Variants in SLC41A3 observed in about 807,000 individuals in gnomAD.
The protein encoded by SLC41A3 is solute carrier family 41 member 3.
In SLC41A3, 44 loss-of-function variants were observed where a neutral mutation model predicts 45.4. The observed-to-expected ratio is 0.97, with a 90% CI of 0.76 to 1.25. SLC41A3 has a LOEUF of 1.25. Ranked by LOEUF, SLC41A3 falls within the 50% of genes most tolerant of loss-of-function variation. SLC41A3 has a pLI of 0.00. For missense variants in SLC41A3, 550 were observed against 600.6 expected, an observed-to-expected ratio of 0.92 and a Z score of 0.88; for synonymous variants, 256 against 252.4, an observed-to-expected ratio of 1.01 and a Z score of -0.13.
At chr3:126,075,244 C>T (rs1195689155) in intron 1 of SLC41A3, among the ~76,000 whole-genome samples, 1 of 152,116 alleles carries the variant, frequency 6.6e-6, no homozygotes, top group Non-Finnish European at 1.5e-5. Flanking sequence ...CTGTATCCGG[C>T]CAGTTTTATT....
chr3:126,027,162 T>C (rs60847438), intron 4 of SLC41A3, among the ~76,000 whole-genome samples: 26,305 of 152,148 alleles, frequency 0.17, 2,403 homozygotes, highest in Middle Eastern at 0.27. Context: ...AAGTCACATG[T>C]TGAATTATAA....
intron 2 of SLC41A3, among the ~76,000 whole-genome samples, chr3:126,059,292 A>AAG (rs1491334653): frequency 6.9e-5 from 7 of 101,658 alleles, no homozygotes; most frequent in Non-Finnish European, 1.6e-4. Flanking sequence ...GAAAGAAAGA[A>AAG]AGAAAGAAAG....
chr3:126,067,672 A>G, intron 2 of SLC41A3: 1 of 536,896 alleles, frequency 1.9e-6, no homozygotes, highest in South Asian at 1.8e-5. Flanking sequence ...CACAGTTGTT[A>G]AACTTCAAAG....
At position 126,055,807 on chromosome 3, in the gene SLC41A3, G is replaced by A. The variant is rs549318804; in HGVS notation, c.274-4757C>T. ...CACACGCCTCCACTGCAGGGAGACC[G>A]CCATGGCCCTCCCACCTGCACCCCC... is the stretch of plus-strand genomic sequence containing the variant. On this transcript the variant is annotated intron_variant, in intron 2 of 10. Coordinates refer to ENST00000360370, the MANE Select transcript of SLC41A3 (RefSeq NM_017836.4). 5.3e-4 allele frequency among the ~76,000 whole-genome samples: 81 copies of A among 152,204 alleles called. No individual in the cohort carries two copies. In the Middle Eastern group the frequency reaches 0.01, roughly 19 times the overall value.
chr3:126,013,533 A>G (rs2107657529), intron 8 of SLC41A3, among the ~76,000 whole-genome samples: 1 of 151,018 alleles, frequency 6.6e-6, no homozygotes, highest in Admixed American at 6.6e-5. Flanking sequence ...ACTGCACTCC[A>G]GCCTGGGTGA....
intron 1 of SLC41A3, among the ~76,000 whole-genome samples, chr3:126,078,805 C>G (rs751624841): frequency 1.3e-5 from 2 of 152,146 alleles, no homozygotes; most frequent in Non-Finnish European, 2.9e-5. Context: ...CTCCTGCCTC[C>G]TCAGTTTCTC....
chr3:126,084,020 TCCCCGACCCCCCTTGGGCCCCAGCTGA>T (rs1373499376), intron 1 of SLC41A3, 46 bp downstream of exon 1: 1 of 146,258 alleles, frequency 6.8e-6, no homozygotes, highest in East Asian at 2.0e-4. Context: ...CCCGCGCGCC[TCCCCGACCCCCCTTGGGCCCCAGCTGA>T]CCCCACCTTC....
rs747247928 is a variant in SLC41A3, at chr3:126,068,007, C to T, written c.213G>A (p.Val71=). ...TTWSIGLQVT[V]PFMFAGLGLS... ...GTCCCAGGCCTGCAAACATGAAGGGCACGGTCACCTGAAGGCCTATGGACC... is the reference window on the plus strand; with the variant it reads ...GTCCCAGGCCTGCAAACATGAAGGGTACGGTCACCTGAAGGCCTATGGACC... Residue 71 remains valine (V), a synonymous_variant, in exon 2 of 11, where the codon GTG becomes GTA. Transcript: ENST00000360370. The T allele has an allele frequency of 6.2e-7, 1 of 1,613,886 alleles. No homozygotes were observed. Among genetic ancestry groups the T allele is most frequent in the East Asian group, 2.2e-5 (1 of 44,858 alleles).
rs960742570 is a variant in SLC41A3 at position 126,057,005 on chromosome 3, G to A, written c.274-5955C>T. On this transcript the variant is annotated intron_variant, in intron 2 of 10. Transcript: ENST00000360370. Reference sequence around the variant, plus strand: ...GCCTGGCCTTGGTGAGTGCCCACACGGAGGTCTGCTGCCACCTCGCCCTGT... The same window carrying A: ...GCCTGGCCTTGGTGAGTGCCCACACAGAGGTCTGCTGCCACCTCGCCCTGT... 8 of 1,024,238 alleles carry A rather than the reference G, an allele frequency of 7.8e-6. No individual in the cohort carries two copies. In the Admixed American group the frequency reaches 1.5e-4, roughly 19 times the overall value. The allele number at this position is 1,024,238 out of a possible 1,614,324, so 63.4% of individuals were successfully genotyped here.
chr3:126,052,804 T>C (rs561449527), intron 2 of SLC41A3, among the ~76,000 whole-genome samples: 1 of 152,208 alleles, frequency 6.6e-6, no homozygotes, highest in South Asian at 2.1e-4. Context: ...ATACCGATCT[T>C]CCTTCCTGCT....
At position 126,022,994 on chromosome 3, in the gene SLC41A3, AG is replaced by A; in HGVS notation, c.599-63del. 1.9e-6 allele frequency: 3 copies of A among 1,601,612 alleles called. No individual in the cohort carries two copies. The South Asian group carries it at 3.4e-5, about 18-fold the overall frequency. On this transcript the variant is annotated intron_variant, in intron 5 of 10. Coordinates refer to ENST00000360370, the MANE Select transcript of SLC41A3 (RefSeq NM_017836.4). ...CCCAGGGAGCCAGATGGCTCTGAGC[AG>A]GCACAGCAGCACAGGGATGGGCGGC... is the stretch of plus-strand genomic sequence containing the variant.
chr3:126,007,288 G>A, intron 10 of SLC41A3, 63 bp from the exon 11 acceptor site: 1 of 1,550,010 alleles, frequency 6.5e-7, no homozygotes, highest in Non-Finnish European at 8.8e-7. Context: ...CAGGCAGGAA[G>A]CACTAGCTGA....
At chr3:126,012,400 C>T (rs1939807324) in intron 9 of SLC41A3, among the ~76,000 whole-genome samples, 1 of 152,132 alleles carries the variant, frequency 6.6e-6, no homozygotes, top group African/African-American at 2.4e-5. Flanking sequence ...TAACCTAACA[C>T]CTAGTGCCCA....
intron 8 of SLC41A3, among the ~76,000 whole-genome samples, chr3:126,013,575 AG>A (rs1312745955): frequency 1.3e-5 from 2 of 150,160 alleles, no homozygotes; most frequent in African/African-American, 5.0e-5. Flanking sequence ...AAAAAAAAAA[AG>A]AATGAGAGGG....
upstream of SLC41A3, among the ~76,000 whole-genome samples, chr3:126,086,428 T>G (rs568250772): frequency 3.4e-3 from 495 of 146,950 alleles, 13 homozygotes; most frequent in Non-Finnish European, 5.7e-3. Context: ...TTTTTTTTTT[T>G]TTTTTTTTTG....
chr3:126,086,211 G>A (rs922657712), upstream of SLC41A3, among the ~76,000 whole-genome samples: 2 of 152,142 alleles, frequency 1.3e-5, no homozygotes, highest in South Asian at 2.1e-4. Flanking sequence ...CAGAGCTTAT[G>A]TAAAATGGAA....
intron 8 of SLC41A3, among the ~76,000 whole-genome samples, chr3:126,013,739 G>A (rs557944983): frequency 2.0e-5 from 3 of 152,182 alleles, no homozygotes; most frequent in Non-Finnish European, 4.4e-5. Flanking sequence ...GGTGCTAGGT[G>A]AGCCCCTCTC....
chr3:126,056,108 G>A (rs1042013538), intron 2 of SLC41A3, among the ~76,000 whole-genome samples: 1 of 152,214 alleles, frequency 6.6e-6, no homozygotes, highest in Admixed American at 6.5e-5. Context: ...CTTGGGCTGA[G>A]GAGGCACATG....
At chr3:126,048,973 T>C (rs1943146828) in intron 3 of SLC41A3, among the ~76,000 whole-genome samples, 1 of 152,154 alleles carries the variant, frequency 6.6e-6, no homozygotes, top group African/African-American at 2.4e-5. Context: ...TATGATAATG[T>C]GTCTGCTCTC....
Sources: gnomAD v4.1 joint callset for allele counts (sites outside exome capture counted in the v4.1 genomes callset) on GRCh38, gnomAD v4.1.1 for gene constraint, MANE v1.5 for transcripts, NCBI Gene and HGNC (gene_info 2026-07-23, HGNC 2026-07-21) for gene names.